FER1L6: variants seen among roughly 807,000 people sequenced by gnomAD.
The protein encoded by FER1L6 is fer-1-like protein 6.
A neutral mutation model predicts 219.2 loss-of-function variants in FER1L6; 177 were observed. The observed-to-expected ratio is 0.81, with a 90% CI of 0.71 to 0.91. The LOEUF is 0.91. Ranked by LOEUF, FER1L6 falls within the 40% of genes least tolerant of loss-of-function variation. The pLI, the probability that FER1L6 is intolerant of heterozygous loss-of-function variation, is 0.00. For missense variants in FER1L6, 2,153 were observed against 2,259.9 expected (o/e 0.95, Z 0.96); for synonymous variants, 768 against 824.3 (o/e 0.93, Z 1.17).
At chr8:123,977,896 C>T (rs1319857435) in intron 10 of FER1L6, among the ~76,000 whole-genome samples, 2 of 152,144 alleles carry the variant, frequency 1.3e-5, no homozygotes, top group Non-Finnish European at 2.9e-5. Context: ...CTATTGCCAC[C>T]GCTAATCTGA....
chr8:124,006,165 A>G (rs921483527), intron 13 of FER1L6, among the ~76,000 whole-genome samples: 1 of 152,204 alleles, frequency 6.6e-6, no homozygotes, highest in African/African-American at 2.4e-5. Flanking sequence ...GGTACTCTGC[A>G]TCTTTGCACT....
chr8:124,045,119 C>G (rs1819670167), intron 20 of FER1L6, among the ~76,000 whole-genome samples: 1 of 152,284 alleles, frequency 6.6e-6, no homozygotes, highest in South Asian at 2.1e-4. Flanking sequence ...GTCAAATACC[C>G]AACTTCAGGA....
chr8:123,900,051 TG>T (rs1240060338), intron 1 of FER1L6, among the ~76,000 whole-genome samples: 10 of 152,188 alleles, frequency 6.6e-5, no homozygotes, highest in Admixed American at 5.9e-4. Flanking sequence ...GGTATTTTGA[TG>T]GGGATTGCAT....
intron 1 of FER1L6, among the ~76,000 whole-genome samples, chr8:123,923,768 C>T (rs971051056): frequency 6.6e-6 from 1 of 151,916 alleles, no homozygotes; most frequent in Non-Finnish European, 1.5e-5. Flanking sequence ...CTAACACCAT[C>T]TCTACTAAAA....
chr8:123,854,046 G>C (rs1183445885), intron 1 of FER1L6, among the ~76,000 whole-genome samples: 2 of 152,188 alleles, frequency 1.3e-5, no homozygotes, highest in African/African-American at 2.4e-5. Flanking sequence ...ACTTCTGGCA[G>C]GCTCCTGTCA....
chr8:123,854,294 G>A (rs1816587814), intron 1 of FER1L6, among the ~76,000 whole-genome samples: 3 of 152,142 alleles, frequency 2.0e-5, no homozygotes, highest in Admixed American at 2.0e-4. Flanking sequence ...CCCCAGTAGG[G>A]TGTTGATACC....
chr8:124,110,017 C>A (rs1822952825), intron 39 of FER1L6, among the ~76,000 whole-genome samples: 1 of 152,172 alleles, frequency 6.6e-6, no homozygotes, highest in South Asian at 2.1e-4. Flanking sequence ...TGCAGGCTTC[C>A]CTAATATATG....
In FER1L6 at chr8:124,101,319, G is replaced by C; in HGVS notation, c.5106G>C (p.Leu1702=). 1 of 1,613,282 alleles carries C rather than the reference G, an allele frequency of 6.2e-7. No homozygotes were observed. The highest frequency in any genetic ancestry group is 8.5e-7 in the Non-Finnish European group (1 of 1,179,334). The change falls in exon 38 of 41, where the codon CTG becomes CTC. Residue 1702 remains leucine, a synonymous_variant. Transcript: ENST00000522917. ...LVLQVWDFER[L]SSDDFLGTLE... Reference sequence around the variant, plus strand: ...TGCAGGTTTGGGATTTTGAAAGGCTGTCCTCAGATGACTTCCTGGGTAAGC... The same window carrying C: ...TGCAGGTTTGGGATTTTGAAAGGCTCTCCTCAGATGACTTCCTGGGTAAGC...
intron 12 of FER1L6, among the ~76,000 whole-genome samples, chr8:123,993,341 C>T (rs1397168638): frequency 6.7e-6 from 1 of 148,912 alleles, no homozygotes; most frequent in Non-Finnish European, 1.5e-5. Flanking sequence ...ACTTGGGAGG[C>T]TGAGGCAGGA....
At chr8:123,904,121 T>C (rs1812908213) in intron 1 of FER1L6, among the ~76,000 whole-genome samples, 1 of 152,088 alleles carries the variant, frequency 6.6e-6, no homozygotes, top group South Asian at 2.1e-4. Context: ...TGTGATTGGC[T>C]TTAGGGGGCA....
chr8:124,061,825 C>T, intron 24 of FER1L6, 27 bp from the exon 25 acceptor site: 1 of 1,610,998 alleles, frequency 6.2e-7, no homozygotes, highest in Non-Finnish European at 8.5e-7. Context: ...CACCAGGCCC[C>T]TTCTTCATCT....
At chr8:123,889,015 G>A (rs999308378) in intron 1 of FER1L6, among the ~76,000 whole-genome samples, 1 of 152,154 alleles carries the variant, frequency 6.6e-6, no homozygotes, top group Admixed American at 6.5e-5. Context: ...CTTCAGAATT[G>A]TCGCATACAT....
chr8:123,872,201 G>A (rs1028933645), intron 1 of FER1L6, among the ~76,000 whole-genome samples: 4 of 152,242 alleles, frequency 2.6e-5, no homozygotes, highest in Non-Finnish European at 4.4e-5. Context: ...TAAATCATTC[G>A]TGAGAGATCC....
intron 1 of FER1L6, among the ~76,000 whole-genome samples, chr8:123,870,042 T>A (rs901662473): frequency 6.6e-6 from 1 of 152,242 alleles, no homozygotes; most frequent in African/African-American, 2.4e-5. Context: ...CAAGTAAGCA[T>A]ATGAAAAGAT....
intron 1 of FER1L6, among the ~76,000 whole-genome samples, chr8:123,881,657 C>G (rs563994595): frequency 6.6e-6 from 1 of 152,128 alleles, no homozygotes; most frequent in Admixed American, 6.5e-5. Flanking sequence ...GCTTCAATAC[C>G]GTAGACCCTG....
chr8:123,927,139 G>A (rs2129887370), intron 1 of FER1L6, among the ~76,000 whole-genome samples: 1 of 148,890 alleles, frequency 6.7e-6, no homozygotes, highest in East Asian at 2.0e-4. Context: ...ATTTGCCCAG[G>A]GTCATAGATA....
intron 1 of FER1L6, among the ~76,000 whole-genome samples, chr8:123,904,040 C>A (rs907491744): frequency 1.3e-5 from 2 of 152,194 alleles, no homozygotes; most frequent in Non-Finnish European, 2.9e-5. Context: ...AGGCATGGCA[C>A]ATGCATGTCT....
chr8:123,934,301 T>C (rs1813897715), intron 1 of FER1L6, among the ~76,000 whole-genome samples: 1 of 152,198 alleles, frequency 6.6e-6, no homozygotes, highest in Admixed American at 6.5e-5. Context: ...GTGTCCTTTA[T>C]GGGTAAGGGA....
At chr8:123,934,343 G>A (rs567128117) in intron 1 of FER1L6, among the ~76,000 whole-genome samples, 1 of 152,244 alleles carries the variant, frequency 6.6e-6, no homozygotes, top group South Asian at 2.1e-4. Flanking sequence ...TCCAAACAAG[G>A]ATCATGTGTT....
Sources: gnomAD v4.1 joint callset for allele counts (sites outside exome capture counted in the v4.1 genomes callset) on GRCh38, gnomAD v4.1.1 for gene constraint, MANE v1.5 for transcripts, NCBI Gene and HGNC (gene_info 2026-07-23, HGNC 2026-07-21) for gene names.